Variants in DOCK1 observed in about 807,000 individuals in gnomAD.
The protein encoded by DOCK1 is dedicator of cytokinesis 1.
DOCK1 carries 138 observed loss-of-function variants against 262.7 expected under a neutral mutation model. That is an observed-to-expected ratio of 0.53 (90% CI 0.46 to 0.61). The LOEUF is 0.61. Ranked by LOEUF, DOCK1 falls within the 20% of genes least tolerant of loss-of-function variation. DOCK1 has a pLI of 0.00. For synonymous variants in DOCK1, 866 were observed against 867.4 expected, an observed-to-expected ratio of 1.00 and a Z score of 0.03; for missense variants, 1,908 against 2,370.7, an observed-to-expected ratio of 0.80 and a Z score of 4.05.
At chr10:127,356,010 C>T (rs1474484789) in intron 32 of DOCK1, among the ~76,000 whole-genome samples, 1 of 152,230 alleles carries the variant, frequency 6.6e-6, no homozygotes, top group African/African-American at 2.4e-5. Context: ...ACAAAGAGAA[C>T]CTGCACCATT....
chr10:127,131,329 A>G lies in DOCK1; in HGVS notation c.2847+3565A>G, dbSNP rs2050312109. Among the ~76,000 whole-genome samples, 3 of 152,180 alleles carry G rather than the reference A, an allele frequency of 2.0e-5. No individual in the cohort carries two copies. The South Asian group carries it at 6.2e-4, about 32-fold the overall frequency. On this transcript the variant is annotated intron_variant, in intron 27 of 51. Transcript: ENST00000623213. ...AAAGTGGGAAGAGGAGAGAGGTCTT[A>G]AACGGACTCCTCCCAATTCCACCAT...
chr10:126,963,625 CTTCCCTTCCCTTCCCTCCT>C lies in DOCK1; in HGVS notation c.47-7075_47-7057del, dbSNP rs1467084928. The stretch of plus-strand genomic sequence containing the variant: ...CTTCCCTTCCCTTCCCTTCCCTTCC[CTTCCCTTCCCTTCCCTCCT>C]TCCTTCCTTCCTTCCTTCCTTCCTT... On this transcript the variant is annotated intron_variant, in intron 1 of 51. Transcript: ENST00000623213. 1.7e-3 allele frequency among the ~76,000 whole-genome samples: 114 copies of C among 68,866 alleles called. 2 individuals are homozygous for C. The highest frequency in any genetic ancestry group is 8.1e-3 in the African/African-American group (95 of 11,740). The allele number at this position is 68,866 out of a possible 152,430, so 45.2% of individuals were successfully genotyped here. A position where few individuals can be genotyped will look rare whatever the true frequency, so the allele number is the denominator to read the frequency against.
chr10:126,957,948 A>T (rs893731721), intron 1 of DOCK1, among the ~76,000 whole-genome samples: 1 of 152,264 alleles, frequency 6.6e-6, no homozygotes, highest in Non-Finnish European at 1.5e-5. Flanking sequence ...AATGTTGAGC[A>T]GAAGAAGTCA....
intron 1 of DOCK1, among the ~76,000 whole-genome samples, chr10:126,918,978 G>GT (rs1564982389): frequency 1.0e-3 from 152 of 151,562 alleles, no homozygotes; most frequent in African/African-American, 3.5e-3. Context: ...GGAGGAGAAA[G>GT]CCGAGAGGGA....
intron 23 of DOCK1, among the ~76,000 whole-genome samples, chr10:127,105,071 T>G (rs966611187): frequency 6.6e-6 from 1 of 152,192 alleles, no homozygotes; most frequent in Admixed American, 6.5e-5. Context: ...GTTCTCATGA[T>G]GGTGAATAAG....
chr10:127,364,487 C>T (rs551737780), intron 33 of DOCK1, among the ~76,000 whole-genome samples: 47 of 152,274 alleles, frequency 3.1e-4, no homozygotes, highest in Non-Finnish European at 5.7e-4. Flanking sequence ...CTGCCTCAGC[C>T]TCTGAGTAGC....
chr10:127,041,044 T>G (rs2043980924), intron 19 of DOCK1, among the ~76,000 whole-genome samples: 1 of 152,186 alleles, frequency 6.6e-6, no homozygotes, highest in African/African-American at 2.4e-5. Flanking sequence ...TCACTTAGCC[T>G]TGTGTCTTCA....
intron 47 of DOCK1, among the ~76,000 whole-genome samples, chr10:127,430,905 C>T (rs2069240101): frequency 6.6e-6 from 1 of 152,186 alleles, no homozygotes; most frequent in Non-Finnish European, 1.5e-5. Context: ...GGTCATTAGG[C>T]AGGGCCAGAG....
At chr10:127,113,554 T>C (rs975298193) in intron 25 of DOCK1, among the ~76,000 whole-genome samples, 2 of 152,212 alleles carry the variant, frequency 1.3e-5, no homozygotes, top group Admixed American at 6.5e-5. Context: ...GAAAAGCCTT[T>C]CGTTGCCAGG....
At chr10:127,073,491 T>TC (rs1275047627) in intron 23 of DOCK1, among the ~76,000 whole-genome samples, 1 of 152,164 alleles carries the variant, frequency 6.6e-6, no homozygotes, top group Non-Finnish European at 1.5e-5. Flanking sequence ...AGTTTGGGAG[T>TC]CCAAGTGTTA....
intron 23 of DOCK1, among the ~76,000 whole-genome samples, chr10:127,081,040 G>A (rs1017236815): frequency 8.5e-5 from 13 of 152,118 alleles, no homozygotes; most frequent in African/African-American, 3.1e-4. Context: ...TGAACCCATG[G>A]TGCTGTATTT....
At chr10:126,960,285 G>T (rs997364847) in intron 1 of DOCK1, among the ~76,000 whole-genome samples, 1 of 152,024 alleles carries the variant, frequency 6.6e-6, no homozygotes, top group Non-Finnish European at 1.5e-5. Context: ...GGTACAGAGA[G>T]GTCAAGGGGT....
At chr10:126,980,319 G>A (rs1456424710) in intron 3 of DOCK1, among the ~76,000 whole-genome samples, 1 of 152,098 alleles carries the variant, frequency 6.6e-6, no homozygotes, top group East Asian at 1.9e-4. Flanking sequence ...AGCCTCCCAA[G>A]TAGCTGGGAC....
chr10:127,142,571 A>T (rs11016452), intron 27 of DOCK1, among the ~76,000 whole-genome samples: 3 of 152,304 alleles, frequency 2.0e-5, no homozygotes, highest in Non-Finnish European at 1.5e-5. Context: ...GTTCTGTCCT[A>T]TAAACACCTG....
chr10:127,298,867 C>T (rs1321279987), intron 29 of DOCK1, among the ~76,000 whole-genome samples: 1 of 152,024 alleles, frequency 6.6e-6, no homozygotes, highest in Non-Finnish European at 1.5e-5. Flanking sequence ...AGGAGAGAAC[C>T]CACCCAGGTG....
chr10:127,215,029 C>T (rs558403049), intron 27 of DOCK1, among the ~76,000 whole-genome samples: 7 of 152,256 alleles, frequency 4.6e-5, no homozygotes, highest in South Asian at 4.1e-4. Context: ...CAGTCTCCCT[C>T]GGGCACCCTG....
intron 38 of DOCK1, among the ~76,000 whole-genome samples, chr10:127,387,763 AAGTC>A (rs1368106355): frequency 6.6e-6 from 1 of 152,182 alleles, no homozygotes; most frequent in African/African-American, 2.4e-5. Flanking sequence ...AATGAATGAA[AAGTC>A]AGCATTTAAC....
intron 28 of DOCK1, among the ~76,000 whole-genome samples, chr10:127,248,893 C>T (rs932561353): frequency 2.0e-5 from 3 of 152,144 alleles, no homozygotes; most frequent in African/African-American, 7.2e-5. Context: ...GCATTAGATT[C>T]TAATAAGAGT....
At chr10:126,938,048 CTTT>C (rs36168243) in intron 1 of DOCK1, among the ~76,000 whole-genome samples, 4 of 143,204 alleles carry the variant, frequency 2.8e-5, no homozygotes, top group Non-Finnish European at 3.1e-5. Flanking sequence ...CCAGCTTCAT[CTTT>C]TTTTTTTTTT....
Sources: allele counts gnomAD v4.1 joint callset (sites outside exome capture counted in the v4.1 genomes callset), GRCh38; gene constraint gnomAD v4.1.1; transcripts MANE v1.5; gene names NCBI Gene and HGNC (gene_info 2026-07-23, HGNC 2026-07-21).